The following RPS6KA6 variants were observed in gnomAD, a reference collection of about 807,000 sequenced individuals.
RPS6KA6 encodes the protein ribosomal protein S6 kinase alpha-6.
Under a neutral mutation model 65.4 loss-of-function variants are expected in RPS6KA6, and 27 were observed. That is an observed-to-expected ratio of 0.41 (90% CI 0.30 to 0.57). The LOEUF (loss-of-function observed/expected upper bound fraction) is 0.57. Among genes scored for constraint, RPS6KA6 ranks in the 20% least tolerant of loss-of-function variants. The pLI, the probability that RPS6KA6 is intolerant of heterozygous loss-of-function variation, is 0.24. For missense variants in RPS6KA6, 486 were observed against 555.6 expected, an observed-to-expected ratio of 0.87 and a Z score of 1.26; for synonymous variants, 190 against 184.2, an observed-to-expected ratio of 1.03 and a Z score of -0.26.
At chrX:84,088,786 G>A (rs1018780735) in intron 20 of RPS6KA6, among the ~76,000 whole-genome samples, 12 of 112,342 alleles carry the variant, frequency 1.1e-4, no homozygotes, top group African/African-American at 3.6e-4. Context: ...CTACCTCAGG[G>A]AGAAATCAGA....
At chrX:84,137,062 GC>G (rs773471963) in intron 6 of RPS6KA6, among the ~76,000 whole-genome samples, 5 of 111,243 alleles carry the variant, frequency 4.5e-5, no homozygotes, top group South Asian at 3.7e-4. Flanking sequence ...CTCATAAATT[GC>G]CCCCCCTACA....
intron 1 of RPS6KA6, among the ~76,000 whole-genome samples, chrX:84,165,305 C>A (rs1219296713): frequency 9.0e-6 from 1 of 110,704 alleles, no homozygotes; most frequent in African/African-American, 3.3e-5. Context: ...ATTAGAGTTT[C>A]TTGTGACAGT....
In RPS6KA6 at chrX:84,117,402, G is replaced by C; in HGVS notation, c.842C>G (p.Thr281Ser). The change falls in exon 10 of 22, where the codon ACC becomes AGC. Residue 281 changes from threonine to serine, a missense_variant. Thr to Ser is a moderately conservative substitution (Grantham distance 58). Transcript: ENST00000262752. Reference sequence around the variant, plus strand: ...CACTTACTTTAATATCATATTCATGGTCTCATTTCTGTCTTTACCTTGAAA... The same window carrying C: ...CACTTACTTTAATATCATATTCATGCTCTCATTTCTGTCTTTACCTTGAAA... The part of the protein sequence containing the change: ...LPFQGKDRNE[T>S]MNMILKAKLG... The C allele has an allele frequency of 8.7e-7, 1 of 1,146,227 alleles. No homozygotes were observed. The highest frequency in any genetic ancestry group is 2.0e-5 in the South Asian group (1 of 49,626). The allele number at this position is 1,146,227 out of a possible 1,213,427, so 94.5% of individuals were successfully genotyped here.
intron 16 of RPS6KA6, 95 bp from the exon 17 acceptor site, chrX:84,104,752 C>G (rs2034323964): frequency 1.9e-6 from 1 of 534,115 alleles, no homozygotes; most frequent in Non-Finnish European, 2.7e-6. Flanking sequence ...TTCTACTAGA[C>G]TTCCCTCTAG....
At chrX:84,133,850 T>C (rs1487457661) in intron 8 of RPS6KA6, among the ~76,000 whole-genome samples, 3 of 111,958 alleles carry the variant, frequency 2.7e-5, no homozygotes, top group African/African-American at 9.7e-5. Flanking sequence ...AAAAAGATAA[T>C]CAGGCTGTGA....
intron 12 of RPS6KA6, among the ~76,000 whole-genome samples, chrX:84,115,457 G>T (rs1420133319): frequency 1.8e-5 from 2 of 111,934 alleles, no homozygotes; most frequent in Admixed American, 9.5e-5. Flanking sequence ...GAAAATAACA[G>T]ATGTTGGCAT....
chrX:84,150,075 CTTCT>C (rs1891773608), intron 3 of RPS6KA6, among the ~76,000 whole-genome samples: 2 of 65,029 alleles, frequency 3.1e-5, no homozygotes, highest in African/African-American at 7.5e-5. Flanking sequence ...ACGAAAATGG[CTTCT>C]TTCCTTTTTC....
chrX:84,187,975 CCCGCCGCCGCCGCCG>C lies in RPS6KA6; in HGVS notation c.-91_-77del, dbSNP rs751602149. On this transcript the variant is annotated 5_prime_UTR_variant, in exon 1 of 22. Coordinates refer to ENST00000262752, the MANE Select transcript of RPS6KA6 (RefSeq NM_014496.5). ...CCGCGCATCCTGTCTATTGAACTGG[CCCGCCGCCGCCGCCG>C]CCGCCGCCGCCGCCGCCGCGACCCC... The C allele has an allele frequency of 5.4e-4, 408 of 752,132 alleles. No individual in the cohort carries two copies. The highest frequency in any genetic ancestry group is 7.5e-4 in the Middle Eastern group (2 of 2,652). The allele number at this position is 752,132 out of a possible 1,213,427, so 62.0% of individuals were successfully genotyped here.
Position 84,106,415 on chromosome X carries a change from C to CA in RPS6KA6, c.1314dup (p.Val439CysfsTer20). On this transcript the variant is annotated frameshift_variant, in exon 15 of 22. Coordinates refer to ENST00000262752, the MANE Select transcript of RPS6KA6 (RefSeq NM_014496.5). LOFTEE classifies it high-confidence loss of function. ...GTTGCATGTATGCATCGCTTGCAAA[C>CA]AGAGTAGGAGCCAACACCAATATCC... 1 of 1,191,578 alleles carries CA rather than the reference C, an allele frequency of 8.4e-7. No individual in the cohort carries two copies. The highest frequency in any genetic ancestry group is 1.1e-6 in the Non-Finnish European group (1 of 879,919).
At chrX:84,099,374 G>C (rs2034217737) in intron 18 of RPS6KA6, among the ~76,000 whole-genome samples, 1 of 111,079 alleles carries the variant, frequency 9.0e-6, no homozygotes, top group Admixed American at 9.6e-5. Context: ...GAGTACAGAG[G>C]TTATGTTTCA....
rs1024112355 is a variant in RPS6KA6, at chrX:84,062,066, G to A, written c.*2211C>T. 3 of 111,567 alleles carry A rather than the reference G, an allele frequency of 2.7e-5. No individual in the cohort carries two copies. Among genetic ancestry groups the A allele is most frequent in the African/African-American group, 9.8e-5 (3 of 30,718 alleles). The allele number at this position is 111,567 out of a possible 1,213,427, so 9.2% of individuals were successfully genotyped here. ...CTCAAACAATTATCGGGTACATCCA[G>A]TAGCATACCTGTATCTTTTATACAC... On this transcript the variant is annotated 3_prime_UTR_variant, in exon 22 of 22. Coordinates refer to ENST00000262752, the MANE Select transcript of RPS6KA6 (RefSeq NM_014496.5).
Position 84,147,986 on chromosome X carries a change from A to G in RPS6KA6, c.340+56T>C, listed in dbSNP as rs1169043138. 3 of 745,160 alleles carry G rather than the reference A, an allele frequency of 4.0e-6. No individual in the cohort carries two copies. The African/African-American group carries it at 6.6e-5, about 16-fold the overall frequency. 61.4% of individuals were successfully genotyped at this position (745,160 alleles called of 1,213,427 possible). On this transcript the variant is annotated intron_variant, in intron 4 of 21. Coordinates refer to ENST00000262752, the MANE Select transcript of RPS6KA6 (RefSeq NM_014496.5). Reference sequence around the variant, plus strand: ...ACCTTATGCAAGTAATACACAGCATATTTCTTAAACTACACTTTGTCAAAT... The same window carrying G: ...ACCTTATGCAAGTAATACACAGCATGTTTCTTAAACTACACTTTGTCAAAT...
chrX:84,121,062 A>G (rs2034662860), intron 8 of RPS6KA6, among the ~76,000 whole-genome samples: 1 of 112,466 alleles, frequency 8.9e-6, no homozygotes, highest in Non-Finnish European at 1.9e-5. Context: ...GTTCTAATGC[A>G]ATTGATATCT....
At chrX:84,180,767 T>C (rs2035839762) in intron 1 of RPS6KA6, among the ~76,000 whole-genome samples, 1 of 112,010 alleles carries the variant, frequency 8.9e-6, no homozygotes, top group African/African-American at 3.2e-5. Flanking sequence ...TGATCTAATA[T>C]GGTTGCTAAC....
At position 84,120,028 on chromosome X, in the gene RPS6KA6, C is replaced by A; in HGVS notation, c.647-1G>T. On this transcript the variant is annotated splice_acceptor_variant, in intron 8 of 21. Transcript: ENST00000262752. LOFTEE classifies it high-confidence loss of function. ...ACTGACTCCTTGCTGAGTCCAAAAT[C>A]TATAATAACAGTATTACCAAAAAAT... is the stretch of plus-strand genomic sequence containing the variant. 8.7e-7 allele frequency: 1 copy of A among 1,153,232 alleles called. No homozygotes were observed. The highest frequency in any genetic ancestry group is 1.2e-6 in the Non-Finnish European group (1 of 866,206).
chrX:84,073,351 T>C (rs1263516933), intron 20 of RPS6KA6, among the ~76,000 whole-genome samples: 1 of 111,748 alleles, frequency 8.9e-6, no homozygotes, highest in African/African-American at 3.3e-5. Context: ...TAGACCAACA[T>C]CTCTTACCAT....
intron 6 of RPS6KA6, among the ~76,000 whole-genome samples, chrX:84,144,236 A>G (rs1193824741): frequency 9.0e-6 from 1 of 111,593 alleles, no homozygotes; most frequent in Non-Finnish European, 1.9e-5. Flanking sequence ...AAGAGAATGA[A>G]AAGACAAACT....
rs111881877 is a variant in RPS6KA6 at position 84,136,926 on chromosome X, T to C, written c.502-1716A>G. On this transcript the variant is annotated intron_variant, in intron 6 of 21. Transcript: ENST00000262752. The stretch of plus-strand genomic sequence containing the variant: ...CCCAAGACATGAACTCAGGGATACT[T>C]GTCCATAAGAATGAACTCTTTCCCA... Among the ~76,000 whole-genome samples, 533 of 111,848 alleles carry C rather than the reference T, an allele frequency of 4.8e-3. 4 individuals carry two copies. The highest frequency in any genetic ancestry group is 7.1e-3 in the Non-Finnish European group (374 of 53,043).
At chrX:84,094,644 CA>C (rs755993825) in intron 20 of RPS6KA6, among the ~76,000 whole-genome samples, 4 of 107,438 alleles carry the variant, frequency 3.7e-5, no homozygotes, top group African/African-American at 1.0e-4. Context: ...GACTCCGTCT[CA>C]AAAAAAATAA....
Sources: gnomAD v4.1 joint callset for allele counts (sites outside exome capture counted in the v4.1 genomes callset) on GRCh38, gnomAD v4.1.1 for gene constraint, MANE v1.5 for transcripts, NCBI Gene and HGNC (gene_info 2026-07-23, HGNC 2026-07-21) for gene names.